Variants in MARCHF1 observed in about 807,000 individuals in gnomAD.
The protein encoded by MARCHF1 is E3 ubiquitin-protein ligase MARCHF1.
In MARCHF1, 40 loss-of-function variants were observed where a neutral mutation model predicts 54.2. The observed-to-expected ratio is 0.74, with a 90% CI of 0.57 to 0.96. MARCHF1 has a LOEUF of 0.96. Among genes scored for constraint, MARCHF1 ranks in the 40% least tolerant of loss-of-function variants. The pLI, the probability that MARCHF1 is intolerant of heterozygous loss-of-function variation, is 0.00. For synonymous variants in MARCHF1, 236 were observed against 236.3 expected (o/e 1.00, Z 0.01); for missense variants, 586 against 656.5 (o/e 0.89, Z 1.17).
At chr4:163,894,941 T>C (rs71639393) in intron 3 of MARCHF1, among the ~76,000 whole-genome samples, 2 of 106,872 alleles carry the variant, frequency 1.9e-5, no homozygotes, top group African/African-American at 4.1e-5. Context: ...CATATATATA[T>C]ATGCATGTGA....
chr4:164,314,128 G>A (rs1424515851), intron 1 of MARCHF1, among the ~76,000 whole-genome samples: 1 of 152,180 alleles, frequency 6.6e-6, no homozygotes, highest in Non-Finnish European at 1.5e-5. Flanking sequence ...ATGTTCTGCT[G>A]ATTGTCTTCT....
chr4:163,766,118 T>C (rs530178627), intron 4 of MARCHF1, among the ~76,000 whole-genome samples: 160 of 151,886 alleles, frequency 1.1e-3, no homozygotes, highest in African/African-American at 3.6e-3. Flanking sequence ...TGACAAGTTA[T>C]AAAATAATAA....
At chr4:164,323,596 G>T (rs1191894522) in intron 1 of MARCHF1, among the ~76,000 whole-genome samples, 1 of 6,148 alleles carries the variant, frequency 1.6e-4, no homozygotes, top group Non-Finnish European at 3.4e-4. Flanking sequence ...AGGATGAGTA[G>T]CAAAAAAAAA....
chr4:164,176,966 CT>C lies in MARCHF1; in HGVS notation c.-322-65305del, dbSNP rs1730689243. Reference sequence around the variant, plus strand: ...GCTCTCTCTCTCTCTCTCTCTCTCTCTCTCTCTCTCTCTCTATATATATATA... The same window carrying C: ...GCTCTCTCTCTCTCTCTCTCTCTCTCCTCTCTCTCTCTCTATATATATATA... On this transcript the variant is annotated intron_variant, in intron 1 of 9. Coordinates refer to ENST00000514618, the MANE Select transcript of MARCHF1 (RefSeq NM_001394959.1). 3.2e-3 allele frequency among the ~76,000 whole-genome samples: 148 copies of C among 46,676 alleles called. 9 individuals are homozygous for C. Among genetic ancestry groups the C allele is most frequent in the African/African-American group, 9.7e-3 (91 of 9,406 alleles). The allele number at this position is 46,676 out of a possible 152,430, so 30.6% of individuals were successfully genotyped here.
At chr4:164,156,866 G>A (rs1730092333) in intron 1 of MARCHF1, among the ~76,000 whole-genome samples, 1 of 151,958 alleles carries the variant, frequency 6.6e-6, no homozygotes, top group South Asian at 2.1e-4. Context: ...TCCACCAGCT[G>A]GAGACATGCT....
At chr4:164,312,318 TC>T (rs1446425275) in intron 1 of MARCHF1, among the ~76,000 whole-genome samples, 268 of 124,928 alleles carry the variant, frequency 2.1e-3, no homozygotes, top group Non-Finnish European at 3.8e-3. Context: ...ATTTTCTTTT[TC>T]TTTTTTTTTT....
chr4:163,973,506 T>G, intron 3 of MARCHF1, among the ~76,000 whole-genome samples: 1 of 152,248 alleles, frequency 6.6e-6, no homozygotes. Flanking sequence ...TCAGCTTGCA[T>G]TATTTTTTAA....
At chr4:164,188,873 AC>A in intron 1 of MARCHF1, 1 of 778,800 alleles carries the variant, frequency 1.3e-6, no homozygotes. Context: ...AAAGAAGTTT[AC>A]CCATGCAGTT....
intron 2 of MARCHF1, among the ~76,000 whole-genome samples, chr4:164,015,283 C>T (rs1753511979): frequency 6.6e-6 from 1 of 152,124 alleles, no homozygotes; most frequent in African/African-American, 2.4e-5. Context: ...CCTTATCTCT[C>T]ACCATGTATA....
intron 2 of MARCHF1, among the ~76,000 whole-genome samples, chr4:164,060,299 G>C (rs75047489): frequency 0.16 from 23,683 of 152,038 alleles, 1,945 homozygotes; most frequent in East Asian, 0.21. Context: ...GTGATTACAT[G>C]TGTAATTATA....
At chr4:163,652,960 T>C (rs1743017924) in intron 5 of MARCHF1, among the ~76,000 whole-genome samples, 1 of 151,684 alleles carries the variant, frequency 6.6e-6, no homozygotes, top group Non-Finnish European at 1.5e-5. Context: ...CCTCATGGAG[T>C]TCATGTATTA....
intron 3 of MARCHF1, among the ~76,000 whole-genome samples, chr4:163,957,110 T>C (rs1287245355): frequency 2.0e-5 from 3 of 152,074 alleles, no homozygotes; most frequent in Non-Finnish European, 1.5e-5. Context: ...TAATACATTT[T>C]ATTTGAATTT....
chr4:164,058,326 T>C (rs1409431823), intron 2 of MARCHF1, among the ~76,000 whole-genome samples: 2 of 152,184 alleles, frequency 1.3e-5, no homozygotes, highest in African/African-American at 2.4e-5. Flanking sequence ...TGAAAGCCAA[T>C]GTCCACTGAT....
intron 4 of MARCHF1, among the ~76,000 whole-genome samples, chr4:163,815,777 G>C (rs563178531): frequency 1.3e-5 from 2 of 152,222 alleles, no homozygotes; most frequent in South Asian, 4.1e-4. Context: ...TATTGTAAGA[G>C]ATATTACAGA....
intron 1 of MARCHF1, among the ~76,000 whole-genome samples, chr4:164,310,796 G>A (rs879440665): frequency 6.6e-6 from 1 of 151,872 alleles, no homozygotes; most frequent in African/African-American, 2.4e-5. Context: ...GATCAAATAA[G>A]GTAACTGGAA....
chr4:163,968,407 C>T (rs1452068773), intron 3 of MARCHF1, among the ~76,000 whole-genome samples: 1 of 152,228 alleles, frequency 6.6e-6, no homozygotes, highest in African/African-American at 2.4e-5. Context: ...CTAAAATCGG[C>T]ATTTGGAAAT....
chr4:164,200,209 C>T (rs1731416022), intron 1 of MARCHF1, among the ~76,000 whole-genome samples: 1 of 152,148 alleles, frequency 6.6e-6, no homozygotes, highest in Admixed American at 6.5e-5. Context: ...AAGACTTGTT[C>T]ATCTTACAAT....
intron 1 of MARCHF1, among the ~76,000 whole-genome samples, chr4:164,191,419 T>C (rs1173829587): frequency 2.0e-5 from 3 of 152,228 alleles, no homozygotes; most frequent in Non-Finnish European, 2.9e-5. Flanking sequence ...CATTGTTATT[T>C]AACAAAGAAA....
chr4:163,841,584 T>C (rs905769623), intron 4 of MARCHF1, among the ~76,000 whole-genome samples: 1 of 152,126 alleles, frequency 6.6e-6, no homozygotes, highest in East Asian at 1.9e-4. Flanking sequence ...TTGAATTTAT[T>C]CTCACATAGT....
Sources: gnomAD v4.1 joint callset for allele counts (sites outside exome capture counted in the v4.1 genomes callset) on GRCh38, gnomAD v4.1.1 for gene constraint, MANE v1.5 for transcripts, NCBI Gene and HGNC (gene_info 2026-07-23, HGNC 2026-07-21) for gene names.